The following DAB1 variants were observed in gnomAD, a reference collection of about 807,000 sequenced individuals.
The protein encoded by DAB1 is disabled homolog 1.
In DAB1, 15 loss-of-function variants were observed where a neutral mutation model predicts 64.6. The observed-to-expected ratio is 0.23, with a 90% CI of 0.16 to 0.36. The LOEUF is 0.36. Among genes scored for constraint, DAB1 ranks in the 10% least tolerant of loss-of-function variants. The pLI is 1.00. For synonymous variants in DAB1, 235 were observed against 251.9 expected, an observed-to-expected ratio of 0.93 and a Z score of 0.64; for missense variants, 596 against 706.7, an observed-to-expected ratio of 0.84 and a Z score of 1.78.
intron 2 of DAB1, among the ~76,000 whole-genome samples, chr1:58,519,176 T>C (rs1646220938): frequency 6.6e-6 from 1 of 152,200 alleles, no homozygotes. Flanking sequence ...CCACAATGAA[T>C]GGGAAAACCC....
At chr1:58,326,205 GC>G (rs1267898150) in intron 4 of DAB1, among the ~76,000 whole-genome samples, 1 of 152,186 alleles carries the variant, frequency 6.6e-6, no homozygotes, top group Admixed American at 6.5e-5. Context: ...TGTTGAACAA[GC>G]TTTGCCATTT....
chr1:57,498,593 C>T (rs1644255822), intron 7 of DAB1, among the ~76,000 whole-genome samples: 1 of 152,136 alleles, frequency 6.6e-6, no homozygotes, highest in African/African-American at 2.4e-5. Flanking sequence ...ATTGAGATCA[C>T]TTGATGACTT....
intron 2 of DAB1, among the ~76,000 whole-genome samples, chr1:58,507,105 T>C (rs1034500453): frequency 1.3e-5 from 2 of 151,950 alleles, no homozygotes; most frequent in Admixed American, 1.3e-4. Context: ...TATATTAAAA[T>C]ACATTATTTT....
At chr1:58,276,663 G>T (rs375208950) in intron 4 of DAB1, among the ~76,000 whole-genome samples, 2 of 152,146 alleles carry the variant, frequency 1.3e-5, no homozygotes, top group Admixed American at 6.5e-5. Context: ...TACCTGGAAG[G>T]GTCTAGAGTC....
chr1:57,049,344 G>A (rs1164230676), intron 9 of DAB1, among the ~76,000 whole-genome samples: 3 of 150,226 alleles, frequency 2.0e-5, no homozygotes, highest in Non-Finnish European at 4.4e-5. Flanking sequence ...CCAGCTACTC[G>A]GGAGGCTGAG....
At chr1:57,237,203 G>A (rs1476212154) in intron 2 of DAB1, among the ~76,000 whole-genome samples, 4 of 152,164 alleles carry the variant, frequency 2.6e-5, no homozygotes, top group African/African-American at 9.7e-5. Context: ...TTTTCTATCT[G>A]AATAAGCCCA....
chr1:57,357,081 G>A (rs192995642), intron 1 of DAB1, among the ~76,000 whole-genome samples: 1,544 of 152,110 alleles, frequency 0.01, 21 homozygotes, highest in Admixed American at 0.021. Context: ...CACAGTACAT[G>A]TTCAACACAT....
intron 5 of DAB1, among the ~76,000 whole-genome samples, chr1:58,124,690 G>A (rs138649510): frequency 1.3e-5 from 2 of 152,320 alleles, no homozygotes; most frequent in African/African-American, 4.8e-5. Context: ...TAAGAATGTA[G>A]ATTGCGGAGT....
chr1:58,150,342 T>C (rs551777148), intron 5 of DAB1, among the ~76,000 whole-genome samples: 5 of 152,326 alleles, frequency 3.3e-5, no homozygotes, highest in South Asian at 2.1e-4. Flanking sequence ...AATTAAATAA[T>C]GCAGCAGTTT....
rs11804203 is a variant in DAB1, at chr1:57,596,177, G to A, written n.625+53415C>T. On this transcript the variant is annotated intron_variant and non_coding_transcript_variant, in intron 7 of 20. Coordinates refer to the DAB1 transcript ENST00000485760. ...TGCAGAACTCCAAGGGACACCATTC[G>A]AACATTCTTCTGAAAGTCCCCTGTT... Among the ~76,000 whole-genome samples, 401 of 152,272 alleles carry A rather than the reference G, an allele frequency of 2.6e-3. 1 individual carries two copies. The highest frequency in any genetic ancestry group is 8.8e-3 in the African/African-American group (364 of 41,544).
At chr1:57,198,137 T>C (rs1664782711) in intron 2 of DAB1, among the ~76,000 whole-genome samples, 1 of 152,112 alleles carries the variant, frequency 6.6e-6, no homozygotes. Context: ...AAATACGAAC[T>C]GGAAAAAATG....
intron 4 of DAB1, among the ~76,000 whole-genome samples, chr1:58,226,304 C>T (rs972164727): frequency 6.6e-6 from 1 of 151,886 alleles, no homozygotes; most frequent in African/African-American, 2.4e-5. Flanking sequence ...TTGTAGCACA[C>T]TTTTTAGTTT....
intron 6 of DAB1, among the ~76,000 whole-genome samples, chr1:57,787,497 A>C (rs1019961734): frequency 6.6e-6 from 1 of 152,154 alleles, no homozygotes. Context: ...AAACTCACAC[A>C]ATATACAAAA....
chr1:57,545,180 A>G (rs1644842894), intron 7 of DAB1, among the ~76,000 whole-genome samples: 1 of 152,098 alleles, frequency 6.6e-6, no homozygotes, highest in African/African-American at 2.4e-5. Context: ...GTCATTCTAC[A>G]TTCATGTCTT....
At chr1:57,641,496 G>A (rs1444515242) in intron 7 of DAB1, among the ~76,000 whole-genome samples, 1 of 143,832 alleles carries the variant, frequency 7.0e-6, no homozygotes, top group Non-Finnish European at 1.5e-5. Flanking sequence ...CCATTCTCCT[G>A]CCTCAGCCTC....
intron 5 of DAB1, among the ~76,000 whole-genome samples, chr1:57,963,548 T>C (rs796425839): frequency 5.9e-5 from 9 of 152,300 alleles, no homozygotes; most frequent in African/African-American, 2.2e-4. Context: ...CGGCACTTAG[T>C]AGGAGCACAA....
chr1:58,436,452 C>G (rs1194187730), intron 3 of DAB1, among the ~76,000 whole-genome samples: 13 of 152,160 alleles, frequency 8.5e-5, no homozygotes, highest in Admixed American at 8.5e-4. Flanking sequence ...TTGGAACAAC[C>G]AGAAGTTCTG....
intron 5 of DAB1, among the ~76,000 whole-genome samples, chr1:57,957,158 G>A (rs187681083): frequency 3.4e-4 from 51 of 152,220 alleles, no homozygotes; most frequent in African/African-American, 1.2e-3. Flanking sequence ...GATTGTACAG[G>A]GACATGACTG....
At chr1:57,530,911 C>A (rs1644655288) in intron 7 of DAB1, among the ~76,000 whole-genome samples, 2 of 152,176 alleles carry the variant, frequency 1.3e-5, no homozygotes, top group Admixed American at 1.3e-4. Flanking sequence ...AGGTTCAAGG[C>A]TAGGCTCCTC....
Sources: gnomAD v4.1 joint callset for allele counts (sites outside exome capture counted in the v4.1 genomes callset) on GRCh38, gnomAD v4.1.1 for gene constraint, MANE v1.5 for transcripts, NCBI Gene and HGNC (gene_info 2026-07-23, HGNC 2026-07-21) for gene names.